Variants in PPP3CC observed in about 807,000 individuals in gnomAD.
PPP3CC encodes the protein protein phosphatase 3 catalytic subunit gamma.
PPP3CC carries 35 observed loss-of-function variants against 60.3 expected under a neutral mutation model. That is an observed-to-expected ratio of 0.58 (90% CI 0.44 to 0.77). PPP3CC has a LOEUF of 0.77. PPP3CC is among the 30% of genes least tolerant of loss of function. The pLI is 0.00. For synonymous variants in PPP3CC, 206 were observed against 224.3 expected (o/e 0.92, Z 0.73); for missense variants, 570 against 628.9 (o/e 0.91, Z 1.00).
rs765296718 is a variant in PPP3CC at position 22,540,678 on chromosome 8, G to A, written c.1415G>A (p.Arg472Gln). 6.2e-6 allele frequency: 10 copies of A among 1,614,072 alleles called. No homozygotes were observed. Among genetic ancestry groups the A allele is most frequent in the African/African-American group, 5.3e-5 (4 of 75,030 alleles). ...RSFEEARGLDRINERMPPRKD... is the reference protein window; with the variant it reads ...RSFEEARGLDQINERMPPRKD... ...TTTGAAGAAGCGCGAGGTCTGGACC[G>A]AATTAATGAGCGAATGCCACCCCGA... The change falls in exon 14 of 14, where the codon CGA (arginine) becomes CAA (glutamine). Residue 472 changes from arginine to glutamine, a missense_variant. Coordinates refer to ENST00000240139, the MANE Select transcript of PPP3CC (RefSeq NM_005605.5).
intron 3 of PPP3CC, among the ~76,000 whole-genome samples, chr8:22,489,440 C>T (rs955211277): frequency 4.6e-5 from 7 of 151,176 alleles, no homozygotes; most frequent in African/African-American, 1.5e-4. Flanking sequence ...ATTCAGAATA[C>T]ATCTAATGTA....
At chr8:22,498,155 A>G in intron 4 of PPP3CC, 43 bp downstream of exon 4, 1 of 1,274,920 alleles carries the variant, frequency 7.8e-7, no homozygotes, top group Non-Finnish European at 1.1e-6. Flanking sequence ...GTTACCCTTT[A>G]ACCTGTCCGA....
intron 3 of PPP3CC, among the ~76,000 whole-genome samples, chr8:22,487,967 A>G (rs1838274059): frequency 6.6e-6 from 1 of 152,206 alleles, no homozygotes; most frequent in Admixed American, 6.5e-5. Context: ...ATTATACAAG[A>G]CAATTGTACA....
At chr8:22,530,030 T>A (rs993905460) in intron 10 of PPP3CC, among the ~76,000 whole-genome samples, 1 of 152,134 alleles carries the variant, frequency 6.6e-6, no homozygotes, top group African/African-American at 2.4e-5. Context: ...ATAAACCATC[T>A]CCATCGTGGA....
At chr8:22,537,697 A>G (rs1196889468) in intron 12 of PPP3CC, among the ~76,000 whole-genome samples, 1 of 152,252 alleles carries the variant, frequency 6.6e-6, no homozygotes, top group Non-Finnish European at 1.5e-5. Context: ...GGTAAACGCA[A>G]TGGAATACTA....
intron 1 of PPP3CC, among the ~76,000 whole-genome samples, chr8:22,469,772 C>G (rs1450424084): frequency 6.6e-6 from 1 of 151,816 alleles, no homozygotes; most frequent in Non-Finnish European, 1.5e-5. Context: ...CTGCTGAGGC[C>G]CCAGAAGTTG....
At chr8:22,477,853 A>G (rs137964574) in intron 3 of PPP3CC, among the ~76,000 whole-genome samples, 4 of 151,966 alleles carry the variant, frequency 2.6e-5, no homozygotes, top group African/African-American at 7.2e-5. Flanking sequence ...TTATTTATTT[A>G]TTTATTTATT....
intron 2 of PPP3CC, 88 bp downstream of exon 2, chr8:22,475,239 G>T: frequency 7.8e-7 from 1 of 1,275,140 alleles, no homozygotes; most frequent in Non-Finnish European, 1.1e-6. Context: ...CAGCTAAAAA[G>T]TGGTGTGGTA....
At chr8:22,489,556 A>G (rs1458690718) in intron 3 of PPP3CC, among the ~76,000 whole-genome samples, 3 of 146,002 alleles carry the variant, frequency 2.1e-5, no homozygotes, top group Non-Finnish European at 4.5e-5. Context: ...TTCTAGTGAG[A>G]GGTACAGCAT....
intron 3 of PPP3CC, among the ~76,000 whole-genome samples, chr8:22,482,084 G>C (rs1175059989): frequency 6.6e-6 from 1 of 152,080 alleles, no homozygotes; most frequent in African/African-American, 2.4e-5. Flanking sequence ...GGTATTTCTG[G>C]TTCTAATCCT....
chr8:22,519,706 GT>G (rs1435354430), intron 6 of PPP3CC, among the ~76,000 whole-genome samples: 4 of 152,180 alleles, frequency 2.6e-5, no homozygotes, highest in Non-Finnish European at 5.9e-5. Flanking sequence ...CTAGGCTGGA[GT>G]GCAGTGGTGC....
At chr8:22,498,681 G>A (rs951853070) in intron 4 of PPP3CC, among the ~76,000 whole-genome samples, 2 of 151,940 alleles carry the variant, frequency 1.3e-5, no homozygotes, top group Non-Finnish European at 2.9e-5. Context: ...TTGACAACAT[G>A]GTTTGTAAGT....
At chr8:22,473,110 C>A (rs1461086587) in intron 1 of PPP3CC, among the ~76,000 whole-genome samples, 1 of 152,146 alleles carries the variant, frequency 6.6e-6, no homozygotes, top group African/African-American at 2.4e-5. Flanking sequence ...ATAGGACTTT[C>A]TTTACTTGTA....
chr8:22,488,460 T>A (rs997824874), intron 3 of PPP3CC, among the ~76,000 whole-genome samples: 1 of 152,240 alleles, frequency 6.6e-6, no homozygotes, highest in East Asian at 1.9e-4. Context: ...GTCACAATGA[T>A]TGAAAGTTTC....
intron 8 of PPP3CC, among the ~76,000 whole-genome samples, chr8:22,525,788 G>C (rs1395623776): frequency 6.6e-6 from 1 of 151,704 alleles, no homozygotes; most frequent in African/African-American, 2.4e-5. Flanking sequence ...TCAAACTCCT[G>C]AGCTTAAGCA....
At chr8:22,510,489 C>A (rs1294256031) in intron 4 of PPP3CC, among the ~76,000 whole-genome samples, 1 of 152,174 alleles carries the variant, frequency 6.6e-6, no homozygotes, top group African/African-American at 2.4e-5. Context: ...TTCAGACTCA[C>A]AAGACTACCA....
At chr8:22,474,317 A>T (rs1837821753) in intron 1 of PPP3CC, among the ~76,000 whole-genome samples, 2 of 152,182 alleles carry the variant, frequency 1.3e-5, no homozygotes, top group Admixed American at 1.3e-4. Context: ...CACCTGTTCT[A>T]TAGATAGAAA....
intron 6 of PPP3CC, among the ~76,000 whole-genome samples, chr8:22,515,612 G>A (rs530121416): frequency 6.6e-6 from 1 of 152,032 alleles, no homozygotes; most frequent in Admixed American, 6.6e-5. Flanking sequence ...CCCTTTTCTC[G>A]ACATCCTCAC....
chr8:22,450,799 TTTTATTTATTTA>T (rs199665510), intron 1 of PPP3CC, among the ~76,000 whole-genome samples: 5,886 of 133,214 alleles, frequency 0.044, 131 homozygotes, highest in East Asian at 0.058. Flanking sequence ...CCTACTTTAT[TTTTATTTATTTA>T]TTTATTTATT....
Sources: allele counts gnomAD v4.1 joint callset (sites outside exome capture counted in the v4.1 genomes callset), GRCh38; gene constraint gnomAD v4.1.1; transcripts MANE v1.5; gene names NCBI Gene and HGNC (gene_info 2026-07-23, HGNC 2026-07-21).